Variants in RPS25 observed in about 807,000 individuals in gnomAD.
RPS25 encodes ribosomal protein S25.
In RPS25, 1 loss-of-function variant was observed where a neutral mutation model predicts 14.4. That is an observed-to-expected ratio of 0.07 (90% CI 0.02 to 0.33). RPS25 has a LOEUF of 0.33. RPS25 is among the 10% of genes least tolerant of loss of function. The probability of loss-of-function intolerance (pLI) is 1.00; values close to 1 mark genes in which losing one functional copy is unlikely to be tolerated. For synonymous variants in RPS25, 63 were observed against 53.8 expected, an observed-to-expected ratio of 1.17 and a Z score of -0.75; for missense variants, 65 against 144.6, an observed-to-expected ratio of 0.45 and a Z score of 2.82.
intron 3 of RPS25, 57 bp from the exon 4 acceptor site, chr11:119,015,996 T>A: frequency 8.6e-7 from 1 of 1,161,426 alleles, no homozygotes; most frequent in South Asian, 1.2e-5. Flanking sequence ...TAGAAACTAG[T>A]AAGGTTTTTG....
chr11:119,017,742 A>T (rs960680851), intron 2 of RPS25, 197 bp from the exon 3 acceptor site: 2 of 674,132 alleles, frequency 3.0e-6, no homozygotes, highest in African/African-American at 3.6e-5. Flanking sequence ...GATCAGTTAA[A>T]AATAACACAG....
intron 1 of RPS25, 97 bp from the exon 2 acceptor site, chr11:119,018,150 A>C: frequency 6.4e-7 from 1 of 1,561,102 alleles, no homozygotes; most frequent in African/African-American, 1.4e-5. Context: ...CCACCAGAGC[A>C]CATGGGCCAA....
chr11:119,016,169 T>G lies in RPS25; in HGVS notation c.284-230A>C, dbSNP rs545923391. Among the ~76,000 whole-genome samples the G allele has an allele frequency of 3.3e-5, 5 of 152,268 alleles. No individual in the cohort carries two copies. The South Asian group carries it at 1.0e-3, about 32-fold the overall frequency. On this transcript the variant is annotated intron_variant, in intron 3 of 4. Coordinates refer to ENST00000527673, the MANE Select transcript of RPS25 (RefSeq NM_001028.3). ...TGGGCATGGTGGCACATGCTTGTAA[T>G]TCCAGCTACTTGGGAAGCTGAGGTG... is the stretch of plus-strand genomic sequence containing the variant.
At chr11:119,016,567 G>A (rs576474092) in intron 3 of RPS25, among the ~76,000 whole-genome samples, 71 of 151,482 alleles carry the variant, frequency 4.7e-4, no homozygotes, top group African/African-American at 1.5e-3. Flanking sequence ...TTCGGTAACC[G>A]AGAATCCTAG....
chr11:119,017,980 G>C lies in RPS25; in HGVS notation c.77C>G (p.Ser26Cys). 1 of 1,612,450 alleles carries C rather than the reference G, an allele frequency of 6.2e-7. No individual in the cohort carries two copies. Among genetic ancestry groups the C allele is most frequent in the Non-Finnish European group, 8.5e-7 (1 of 1,179,938 alleles). Reference protein sequence around the residue: ...AKKDKDPVNKSGGKAKKKKWS... With the variant: ...AKKDKDPVNKCGGKAKKKKWS... ...TACCTTCTTTTTGGCCTTGCCCCCG[G>C]ATTTGTTCACTGGGTCTTTGTCTTT... The change falls in exon 2 of 5, where the codon TCC (serine) becomes TGC (cysteine). Residue 26 changes from serine (S) to cysteine (C), a missense_variant. Transcript: ENST00000527673.
Position 119,017,638 on chromosome 11 carries a change from C to T in RPS25, c.100-93G>A, listed in dbSNP as rs538891672. 18 of 1,150,008 alleles carry T rather than the reference C, an allele frequency of 1.6e-5. No homozygotes were observed. In the East Asian group the frequency reaches 3.8e-4, roughly 24 times the overall value. 71.2% of individuals were successfully genotyped at this position (1,150,008 alleles called of 1,614,324 possible). A position where few individuals can be genotyped will look rare whatever the true frequency, so the allele number is the denominator to read the frequency against. ...ATCTGCGTCAGAGAAATCTGTTCCA[C>T]CGTTATCAAGGATAAATTACACATT... On this transcript the variant is annotated intron_variant, in intron 2 of 4. Transcript: ENST00000527673.
At chr11:119,017,678 A>G (rs575541767) in intron 2 of RPS25, 133 bp from the exon 3 acceptor site, 1 of 730,932 alleles carries the variant, frequency 1.4e-6, no homozygotes, top group African/African-American at 1.8e-5. Flanking sequence ...AAACAAAAAC[A>G]AAAAAAAAAC....
chr11:119,018,077 A>G, intron 1 of RPS25, 24 bp from the exon 2 acceptor site: 1 of 1,607,400 alleles, frequency 6.2e-7, no homozygotes, highest in Non-Finnish European at 8.5e-7. Flanking sequence ...GCGGGAATGC[A>G]ACCAGGTCCT....
At position 119,018,288 on chromosome 11, in the gene RPS25, G is replaced by A; in HGVS notation, c.-4C>T. ...TCACACCCCTGAAGCTTACCATTGC[G>A]AAGCTCGGAGAATAGCAGCAGACAC... On this transcript the variant is annotated 5_prime_UTR_variant, in exon 1 of 5. Transcript: ENST00000527673. 1.2e-6 allele frequency: 2 copies of A among 1,614,140 alleles called. No homozygotes were observed. Among genetic ancestry groups the A allele is most frequent in the East Asian group, 2.2e-5 (1 of 44,886 alleles).
intron 1 of RPS25, 83 bp downstream of exon 1, chr11:119,018,199 C>G: frequency 6.2e-7 from 1 of 1,604,318 alleles, no homozygotes; most frequent in Non-Finnish European, 8.5e-7. Flanking sequence ...GGCCGGCAGG[C>G]CAAGGAGCGC....
intron 3 of RPS25, 58 bp from the exon 4 acceptor site, chr11:119,015,997 A>G: frequency 1.7e-6 from 2 of 1,146,608 alleles, no homozygotes; most frequent in South Asian, 2.5e-5. Context: ...AGAAACTAGT[A>G]AGGTTTTTGG....
intron 1 of RPS25, 69 bp from the exon 2 acceptor site, chr11:119,018,122 C>T (rs1276579576): frequency 1.9e-6 from 3 of 1,561,676 alleles, no homozygotes; most frequent in African/African-American, 1.4e-5. Context: ...ACTGCGCCCT[C>T]AGCCCCCGCA....
In RPS25 at chr11:119,016,170, T is replaced by C. The variant is rs112407129; in HGVS notation, c.284-231A>G. ...GGGCATGGTGGCACATGCTTGTAATTCCAGCTACTTGGGAAGCTGAGGTGA... is the reference window on the plus strand; with the variant it reads ...GGGCATGGTGGCACATGCTTGTAATCCCAGCTACTTGGGAAGCTGAGGTGA... On this transcript the variant is annotated intron_variant, in intron 3 of 4. Coordinates refer to ENST00000527673, the MANE Select transcript of RPS25 (RefSeq NM_001028.3). Among the ~76,000 whole-genome samples the C allele has an allele frequency of 9.1e-3, 1,385 of 152,198 alleles. 24 individuals are homozygous for C. Among genetic ancestry groups the C allele is most frequent in the African/African-American group, 0.031 (1,303 of 41,524 alleles).
In RPS25 at chr11:119,015,944, G is replaced by C. The variant is rs200333473; in HGVS notation, c.284-5C>G. 8 of 1,563,444 alleles carry C rather than the reference G, an allele frequency of 5.1e-6. No individual in the cohort carries two copies. Among genetic ancestry groups the C allele is most frequent in the Middle Eastern group, 1.7e-4 (1 of 5,984 alleles). Reference sequence around the variant, plus strand: ...TTGAAACCAGTTTGATAAGTCCTAGGGGGAGAGAATAGCACGATGAGATGC... The same window carrying C: ...TTGAAACCAGTTTGATAAGTCCTAGCGGGAGAGAATAGCACGATGAGATGC... On this transcript the variant is annotated splice_region_variant and splice_polypyrimidine_tract_variant and intron_variant, in intron 3 of 4. Transcript: ENST00000527673.
rs1440280685 is a variant in RPS25, at chr11:119,015,896, G to A, written c.327C>T (p.Tyr109=). 2 of 1,611,844 alleles carry A rather than the reference G, an allele frequency of 1.2e-6. No individual in the cohort carries two copies. The highest frequency in any genetic ancestry group is 1.3e-5 in the African/African-American group (1 of 74,840). ...CATCTCCACCCTTGGTATTTCTGGT[G>A]TAAATTACTTGAGCTCTGTGCTTTG... The part of the protein sequence containing the change: ...LVSKHRAQVI[Y]TRNTKGGDAP... Residue 109 remains tyrosine (Y), a synonymous_variant, in exon 4 of 5, where the codon TAC becomes TAT. Coordinates refer to ENST00000527673, the MANE Select transcript of RPS25 (RefSeq NM_001028.3).
intron 4 of RPS25, 41 bp from the exon 5 acceptor site, chr11:119,015,799 G>T (rs1271145144): frequency 3.6e-6 from 5 of 1,386,938 alleles, no homozygotes; most frequent in Non-Finnish European, 4.1e-6. Context: ...ATAAAGCTTT[G>T]TATCTACCTC....
chr11:119,017,790 T>C (rs951699446), intron 2 of RPS25, 168 bp downstream of exon 2: 1 of 679,236 alleles, frequency 1.5e-6, no homozygotes, highest in African/African-American at 1.8e-5. Flanking sequence ...ACAGACCCAT[T>C]TTCATGATCC....
intron 2 of RPS25, 34 bp downstream of exon 2, chr11:119,017,924 C>G (rs373304306): frequency 6.5e-7 from 1 of 1,532,716 alleles, no homozygotes; most frequent in Non-Finnish European, 9.0e-7. Flanking sequence ...GAGAGAGTTA[C>G]CCCTAGTCTC....
intron 3 of RPS25, among the ~76,000 whole-genome samples, 153 bp downstream of exon 3, chr11:119,017,209 G>A (rs1943183832): frequency 6.6e-6 from 1 of 152,072 alleles, no homozygotes; most frequent in African/African-American, 2.4e-5. Flanking sequence ...CTCAGGATCA[G>A]GAGTAAGACG....
Sources: gnomAD v4.1 joint callset for allele counts (sites outside exome capture counted in the v4.1 genomes callset) on GRCh38, gnomAD v4.1.1 for gene constraint, MANE v1.5 for transcripts, NCBI Gene and HGNC (gene_info 2026-07-23, HGNC 2026-07-21) for gene names.